Variants in FRAS1 observed in about 807,000 individuals in gnomAD.
FRAS1 encodes the protein extracellular matrix organizing protein FRAS1.
In FRAS1, 290 loss-of-function variants were observed where a neutral mutation model predicts 435.2. The ratio of observed to expected loss-of-function variants is 0.67; its 90% CI spans 0.61 to 0.73. FRAS1 has a LOEUF of 0.73. FRAS1 is among the 30% of genes least tolerant of loss of function. The pLI is 0.00. For missense variants in FRAS1, 4,860 were observed against 5,001.5 expected (o/e 0.97, Z 0.85); for synonymous variants, 1,800 against 1,851.0 (o/e 0.97, Z 0.71).
chr4:78,380,883 G>A (rs1400191636), intron 27 of FRAS1, among the ~76,000 whole-genome samples: 2 of 152,194 alleles, frequency 1.3e-5, no homozygotes. Flanking sequence ...CAGAGGTGAT[G>A]ATGCCAGTGA....
intron 73 of FRAS1, among the ~76,000 whole-genome samples, chr4:78,540,320 G>C (rs753653519): frequency 6.6e-6 from 1 of 152,118 alleles, no homozygotes; most frequent in Non-Finnish European, 1.5e-5. Flanking sequence ...AAAAGAATCC[G>C]AATAGCTGAC....
chr4:78,188,279 GTCTATCTATCTA>G (rs998341866), intron 2 of FRAS1, among the ~76,000 whole-genome samples: 18 of 25,584 alleles, frequency 7.0e-4, no homozygotes, highest in African/African-American at 1.4e-3. Flanking sequence ...CTATCTGTCT[GTCTATCTATCTA>G]TCTATCTATC....
chr4:78,475,366 C>T, intron 53 of FRAS1, 72 bp from the exon 54 acceptor site: 10 of 1,525,652 alleles, frequency 6.6e-6, no homozygotes, highest in South Asian at 1.1e-5. Context: ...ATGGAAGAGA[C>T]AGGCATTAAA....
At chr4:78,194,886 T>C (rs553997203) in intron 2 of FRAS1, among the ~76,000 whole-genome samples, 10 of 152,334 alleles carry the variant, frequency 6.6e-5, no homozygotes, top group Non-Finnish European at 1.3e-4. Context: ...CTCTGTTTTT[T>C]CCCCATCTTT....
At chr4:78,439,124 T>A in intron 40 of FRAS1, 60 bp downstream of exon 40, 1 of 1,415,940 alleles carries the variant, frequency 7.1e-7, no homozygotes, top group African/African-American at 1.5e-5. Flanking sequence ...TCCGTAGTAA[T>A]GTAAATGAAG....
chr4:78,301,303 A>C (rs981663178), intron 14 of FRAS1, among the ~76,000 whole-genome samples: 10 of 152,188 alleles, frequency 6.6e-5, no homozygotes, highest in African/African-American at 2.4e-4. Flanking sequence ...CAGCTAGCCA[A>C]ATTCGAAAAA....
At chr4:78,450,763 G>C (rs1419539957) in intron 45 of FRAS1, among the ~76,000 whole-genome samples, 1 of 152,058 alleles carries the variant, frequency 6.6e-6, no homozygotes, top group East Asian at 1.9e-4. Context: ...AAAATGGAAG[G>C]GCATAAATCG....
intron 15 of FRAS1, among the ~76,000 whole-genome samples, chr4:78,312,879 G>GAGAGAAAA (rs143465313): frequency 1.5e-5 from 2 of 129,074 alleles, no homozygotes; most frequent in Non-Finnish European, 3.4e-5. Flanking sequence ...GAGAGAGAGA[G>GAGAGAAAA]AGAAAGAAAG....
chr4:78,118,241 C>T (rs1326061767), intron 2 of FRAS1, among the ~76,000 whole-genome samples: 1 of 152,194 alleles, frequency 6.6e-6, no homozygotes, highest in African/African-American at 2.4e-5. Flanking sequence ...TCTGCCCCTA[C>T]TGGGGGGTGC....
chr4:78,285,434 C>CTTTTT (rs143667746), intron 13 of FRAS1, among the ~76,000 whole-genome samples: 1 of 145,600 alleles, frequency 6.9e-6, no homozygotes. Flanking sequence ...CTTCCATATT[C>CTTTTT]TTTTTTTTTT....
At chr4:78,300,585 C>A (rs926231117) in intron 14 of FRAS1, among the ~76,000 whole-genome samples, 2 of 152,140 alleles carry the variant, frequency 1.3e-5, no homozygotes, top group African/African-American at 4.8e-5. Flanking sequence ...GGTCCTTAAA[C>A]CCTCTCTACA....
chr4:78,388,063 C>T (rs563047530), intron 29 of FRAS1, among the ~76,000 whole-genome samples: 8 of 152,196 alleles, frequency 5.3e-5, no homozygotes, highest in South Asian at 2.1e-4. Context: ...TGGTGGCTCA[C>T]GCCTCTAATC....
chr4:78,406,868 AAAATCTG>A (rs2110352224), intron 30 of FRAS1, among the ~76,000 whole-genome samples: 1 of 152,272 alleles, frequency 6.6e-6, no homozygotes, highest in South Asian at 2.1e-4. Context: ...CCCTAATCCA[AAAATCTG>A]AAATCTGAAA....
At chr4:78,140,724 T>C (rs546121317) in intron 2 of FRAS1, among the ~76,000 whole-genome samples, 20 of 148,698 alleles carry the variant, frequency 1.3e-4, no homozygotes, top group East Asian at 4.1e-4. Context: ...TGTGTATATG[T>C]ATATACGTGT....
chr4:78,105,789 G>A (rs992126133), intron 2 of FRAS1, among the ~76,000 whole-genome samples: 4 of 151,810 alleles, frequency 2.6e-5, no homozygotes, highest in African/African-American at 4.8e-5. Context: ...AGCTCCCAGC[G>A]TGAGCGACGC....
intron 29 of FRAS1, among the ~76,000 whole-genome samples, chr4:78,397,690 G>C (rs768287091): frequency 2.6e-5 from 4 of 152,204 alleles, no homozygotes; most frequent in Non-Finnish European, 5.9e-5. Context: ...GTAAGCCTCT[G>C]CTTCTCTTCC....
At chr4:78,302,824 G>C (rs1728483803) in intron 14 of FRAS1, among the ~76,000 whole-genome samples, 2 of 152,108 alleles carry the variant, frequency 1.3e-5, no homozygotes, top group African/African-American at 4.8e-5. Context: ...TCACTCTGAT[G>C]GTAGTTTCTT....
intron 61 of FRAS1, among the ~76,000 whole-genome samples, chr4:78,506,779 G>T (rs1447792545): frequency 2.0e-5 from 3 of 152,150 alleles, no homozygotes; most frequent in African/African-American, 7.2e-5. Context: ...CAGTCCCAGT[G>T]AGATGAACCA....
intron 6 of FRAS1, among the ~76,000 whole-genome samples, chr4:78,256,200 A>C (rs900841418): frequency 4.6e-5 from 7 of 152,260 alleles, no homozygotes; most frequent in Admixed American, 4.6e-4. Flanking sequence ...AAAGGCAATT[A>C]GACAAGAAAT....
Sources: gnomAD v4.1 joint callset for allele counts (sites outside exome capture counted in the v4.1 genomes callset) on GRCh38, gnomAD v4.1.1 for gene constraint, MANE v1.5 for transcripts, NCBI Gene and HGNC (gene_info 2026-07-23, HGNC 2026-07-21) for gene names.